The following RBM4 variants were observed in gnomAD, a reference collection of about 807,000 sequenced individuals.
RBM4 encodes the protein RNA-binding protein 4.
Under a neutral mutation model 29.5 loss-of-function variants are expected in RBM4, and 7 were observed. The ratio of observed to expected loss-of-function variants is 0.24; its 90% CI spans 0.14 to 0.45. The LOEUF (loss-of-function observed/expected upper bound fraction) is 0.45, where lower values mean the gene tolerates loss of function less well. Ranked by LOEUF, RBM4 falls within the 20% of genes least tolerant of loss-of-function variation. The probability of loss-of-function intolerance (pLI) is 1.00; values close to 1 mark genes in which losing one functional copy is unlikely to be tolerated. For missense variants in RBM4, 387 were observed against 502.3 expected, an observed-to-expected ratio of 0.77 and a Z score of 2.19; for synonymous variants, 220 against 205.4, an observed-to-expected ratio of 1.07 and a Z score of -0.61.
rs1938572371 is a variant in RBM4, at chr11:66,643,850, C to T, written c.813C>T (p.Pro271=). Residue 271 remains proline (P), a synonymous_variant, in exon 3 of 4, where the codon CCC becomes CCT. Transcript: ENST00000310092. The surrounding 1 kb of genome is among the most constrained non-coding windows in gnomAD (Gnocchi z 6.1). ...ASHLTSTSLD[P]YDRHLLPTSG... is the part of the protein sequence containing the mutation. Reference sequence around the variant, plus strand: ...ACCTCACCTCCACCTCTCTCGATCCCTACGATAGACACCTGTTGCCGACCT... The same window carrying T: ...ACCTCACCTCCACCTCTCTCGATCCTTACGATAGACACCTGTTGCCGACCT... The T allele has an allele frequency of 5.6e-6, 9 of 1,613,936 alleles. No homozygotes were observed. The highest frequency in any genetic ancestry group is 6.8e-6 in the Non-Finnish European group (8 of 1,179,998).
chr11:66,667,701 T>G (rs1590880014), exon 3 of RBM4: 2 of 149,296 alleles, frequency 1.3e-5, no homozygotes, highest in East Asian at 3.9e-4. Context: ...GAAGTAGGTT[T>G]TTTTTTTTTT....
intron 1 of RBM4, 112 bp from the exon 2 acceptor site, chr11:66,639,588 C>T: frequency 7.7e-7 from 1 of 1,303,310 alleles, no homozygotes. Flanking sequence ...GGTGTGTGTG[C>T]AGGCGTGTGA....
chr11:66,658,951 T>A (rs138917934), intron 2 of RBM4, among the ~76,000 whole-genome samples: 7,204 of 148,860 alleles, frequency 0.048, 235 homozygotes, highest in East Asian at 0.1. Flanking sequence ...AAAAAAAATA[T>A]ATATATATAT....
chr11:66,654,349 A>G (rs987137844), intron 2 of RBM4, among the ~76,000 whole-genome samples: 2 of 151,542 alleles, frequency 1.3e-5, no homozygotes, highest in Admixed American at 1.3e-4. Context: ...AAAAAAAATT[A>G]GCTGGGCGTG....
exon 3 of RBM4, chr11:66,667,687 C>G (rs1384371029): frequency 6.6e-6 from 1 of 151,444 alleles, no homozygotes; most frequent in Admixed American, 6.6e-5. Flanking sequence ...GGACAATGAC[C>G]CAAGAAGTAG....
At chr11:66,654,170 A>G (rs528695090) in intron 2 of RBM4, among the ~76,000 whole-genome samples, 1 of 152,230 alleles carries the variant, frequency 6.6e-6, no homozygotes, top group Non-Finnish European at 1.5e-5. Context: ...GACTACAGGC[A>G]TATGCCACCA....
chr11:66,640,218 T>C, intron 2 of RBM4, 95 bp downstream of exon 2: 1 of 1,525,862 alleles, frequency 6.6e-7, no homozygotes, highest in East Asian at 2.3e-5. Flanking sequence ...AGATAACAGC[T>C]GTTGGCTGGC....
At chr11:66,654,684 GTTT>G (rs144346052) in intron 2 of RBM4, among the ~76,000 whole-genome samples, 1 of 122,292 alleles carries the variant, frequency 8.2e-6, no homozygotes, top group Non-Finnish European at 1.7e-5. Context: ...GATTAATTTT[GTTT>G]TTTTTTTTTT....
rs1471290922 is a variant in RBM4 at position 66,646,005 on chromosome 11, G to A, written c.*9-22G>A. On this transcript the variant is annotated intron_variant, in intron 3 of 3. Coordinates refer to ENST00000310092, the MANE Select transcript of RBM4 (RefSeq NM_002896.4). ...CCCTTTTGAGCTTTGCTGTAAAGCCGCTGTATTGTGCTCTCTTTCAGGTGG... is the reference window on the plus strand; with the variant it reads ...CCCTTTTGAGCTTTGCTGTAAAGCCACTGTATTGTGCTCTCTTTCAGGTGG... The A allele has an allele frequency of 5.2e-6, 8 of 1,536,050 alleles. No homozygotes were observed. In the South Asian group the frequency reaches 5.9e-5, roughly 11 times the overall value.
chr11:66,647,207 C>A (rs891995220), downstream of RBM4, among the ~76,000 whole-genome samples: 4 of 152,218 alleles, frequency 2.6e-5, no homozygotes, highest in Non-Finnish European at 5.9e-5. Context: ...AGGACTGTGT[C>A]AGAGCATTTC....
At chr11:66,657,760 C>T (rs1247769865) in intron 2 of RBM4, among the ~76,000 whole-genome samples, 1 of 143,098 alleles carries the variant, frequency 7.0e-6, no homozygotes, top group Non-Finnish European at 1.5e-5. Flanking sequence ...TTTTTTGAGA[C>T]AGGGTCTTCC....
downstream of RBM4, among the ~76,000 whole-genome samples, chr11:66,649,579 T>C (rs1938782732): frequency 6.6e-6 from 1 of 152,240 alleles, no homozygotes. Context: ...TATAACTCAC[T>C]GATTTTCAAC....
intron 2 of RBM4, among the ~76,000 whole-genome samples, chr11:66,661,865 A>C (rs1177875534): frequency 6.6e-6 from 1 of 152,148 alleles, no homozygotes; most frequent in Non-Finnish European, 1.5e-5. Context: ...CCCCATCTCC[A>C]CTAAAAATAC....
chr11:66,646,112 G>C lies in RBM4; in HGVS notation c.*94G>C. Reference sequence around the variant, plus strand: ...GGTACCCCATCTCCGGGACGTTCTCGGCTCTGTGCGTTCAGTCCCTCAGGA... The same window carrying C: ...GGTACCCCATCTCCGGGACGTTCTCCGCTCTGTGCGTTCAGTCCCTCAGGA... On this transcript the variant is annotated 3_prime_UTR_variant, in exon 4 of 4. Coordinates refer to ENST00000310092, the MANE Select transcript of RBM4 (RefSeq NM_002896.4). The C allele has an allele frequency of 1.3e-6, 2 of 1,534,904 alleles. No homozygotes were observed. Among genetic ancestry groups the C allele is most frequent in the Non-Finnish European group, 1.7e-6 (2 of 1,146,722 alleles).
At chr11:66,653,256 G>A (rs530545785) in intron 2 of RBM4, among the ~76,000 whole-genome samples, 1 of 151,864 alleles carries the variant, frequency 6.6e-6, no homozygotes, top group South Asian at 2.1e-4. Context: ...TGCCTCTGCC[G>A]CCCCTGAGAC....
intron 2 of RBM4, among the ~76,000 whole-genome samples, chr11:66,659,525 C>T (rs1214956355): frequency 1.3e-5 from 2 of 151,994 alleles, no homozygotes; most frequent in South Asian, 2.1e-4. Context: ...GGGTTCTGCC[C>T]GCCTTGGCCT....
At chr11:66,660,667 A>G (rs1462450929) in intron 2 of RBM4, among the ~76,000 whole-genome samples, 2 of 111,200 alleles carry the variant, frequency 1.8e-5, no homozygotes, top group East Asian at 5.3e-4. Flanking sequence ...TTTTTTTTTT[A>G]ATTTGAGATG....
exon 3 of RBM4, chr11:66,668,343 A>G: frequency 2.7e-6 from 1 of 365,534 alleles, no homozygotes; most frequent in Non-Finnish European, 5.0e-6. Context: ...TAACCCAAAT[A>G]TGCTTACAAC....
chr11:66,651,802 G>C (rs747448011), intron 2 of RBM4, among the ~76,000 whole-genome samples: 2 of 152,154 alleles, frequency 1.3e-5, no homozygotes, highest in Non-Finnish European at 2.9e-5. Context: ...ATTCTGTCTT[G>C]AGTTTGCAAG....
Sources: gnomAD v4.1 joint callset for allele counts (sites outside exome capture counted in the v4.1 genomes callset) on GRCh38, gnomAD v4.1.1 for gene constraint, Gnocchi (gnomAD v3.1) non-coding constraint, MANE v1.5 for transcripts, NCBI Gene and HGNC (gene_info 2026-07-23, HGNC 2026-07-21) for gene names.